ARHGAP10: variants seen among roughly 807,000 people sequenced by gnomAD.
ARHGAP10 encodes Rho GTPase activating protein 10.
In ARHGAP10, 87 loss-of-function variants were observed where a neutral mutation model predicts 108.6. The observed-to-expected ratio is 0.80, with a 90% CI of 0.67 to 0.96. The LOEUF is 0.96. ARHGAP10 is among the 40% of genes least tolerant of loss of function. The pLI, the probability that ARHGAP10 is intolerant of heterozygous loss-of-function variation, is 0.00. For synonymous variants in ARHGAP10, 347 were observed against 341.1 expected, an observed-to-expected ratio of 1.02 and a Z score of -0.19; for missense variants, 939 against 954.5, an observed-to-expected ratio of 0.98 and a Z score of 0.21.
intron 1 of ARHGAP10, among the ~76,000 whole-genome samples, chr4:147,770,427 A>G (rs1730029598): frequency 6.6e-6 from 1 of 152,174 alleles, no homozygotes; most frequent in South Asian, 2.1e-4. Context: ...TGGGAGGCTG[A>G]GGCATGAGAA....
chr4:147,751,364 T>C (rs1729139504), intron 1 of ARHGAP10, among the ~76,000 whole-genome samples: 1 of 151,466 alleles, frequency 6.6e-6, no homozygotes, highest in Non-Finnish European at 1.5e-5. Context: ...AGATAATAGT[T>C]GTTGTTTTTT....
chr4:147,991,426 G>A (rs1269117421), intron 18 of ARHGAP10, among the ~76,000 whole-genome samples: 1 of 152,120 alleles, frequency 6.6e-6, no homozygotes, highest in African/African-American at 2.4e-5. Flanking sequence ...CCCAGGAGGG[G>A]CCTTACGGAG....
intron 3 of ARHGAP10, among the ~76,000 whole-genome samples, chr4:147,837,624 G>A (rs534573950): frequency 4.4e-4 from 45 of 101,524 alleles, no homozygotes; most frequent in African/African-American, 1.2e-3. Flanking sequence ...CTGCCACCTC[G>A]CTAGAATCTC....
chr4:148,012,767 C>T (rs1363616490), intron 18 of ARHGAP10, among the ~76,000 whole-genome samples: 3 of 152,086 alleles, frequency 2.0e-5, no homozygotes, highest in Non-Finnish European at 4.4e-5. Flanking sequence ...TGAATAAATT[C>T]TAGGAACCTG....
At chr4:148,064,329 A>C in intron 21 of ARHGAP10, 87 bp from the exon 22 acceptor site, 1 of 1,090,384 alleles carries the variant, frequency 9.2e-7, no homozygotes, top group Non-Finnish European at 1.3e-6. Flanking sequence ...GACATCAGTG[A>C]GATTTGGGGA....
chr4:147,887,875 A>T (rs547065297), intron 10 of ARHGAP10, among the ~76,000 whole-genome samples: 42 of 147,482 alleles, frequency 2.8e-4, no homozygotes, highest in South Asian at 6.5e-4. Flanking sequence ...AAAAAAAAAA[A>T]TTTTTTTTTT....
chr4:147,955,115 G>A (rs997269191), intron 15 of ARHGAP10, among the ~76,000 whole-genome samples: 12 of 152,024 alleles, frequency 7.9e-5, no homozygotes, highest in African/African-American at 2.9e-4. Context: ...TGGCTCCCTA[G>A]GCTTTGATAG....
chr4:147,808,187 T>C (rs1731863163), intron 1 of ARHGAP10, among the ~76,000 whole-genome samples: 1 of 152,174 alleles, frequency 6.6e-6, no homozygotes, highest in Non-Finnish European at 1.5e-5. Context: ...ACAAAGGCTG[T>C]CGGAGGTGAG....
intron 1 of ARHGAP10, among the ~76,000 whole-genome samples, chr4:147,741,167 C>T (rs969640382): frequency 2.6e-5 from 4 of 152,126 alleles, no homozygotes. Context: ...TCTACCTATG[C>T]ATTTTTTGGA....
At chr4:148,033,780 G>T (rs1728255147) in intron 19 of ARHGAP10, among the ~76,000 whole-genome samples, 1 of 152,180 alleles carries the variant, frequency 6.6e-6, no homozygotes. Context: ...AGCATGAGCT[G>T]GCCTGGAGAG....
intron 13 of ARHGAP10, among the ~76,000 whole-genome samples, chr4:147,921,862 C>G (rs1242563067): frequency 6.6e-6 from 1 of 152,166 alleles, no homozygotes; most frequent in East Asian, 1.9e-4. Flanking sequence ...TCTCAAGTAG[C>G]TTTACACCAC....
At chr4:148,034,484 A>ATTT (rs76525018) in intron 19 of ARHGAP10, among the ~76,000 whole-genome samples, 4 of 139,162 alleles carry the variant, frequency 2.9e-5, no homozygotes, top group Non-Finnish European at 6.3e-5. Context: ...CTCCCGGCTA[A>ATTT]TTTTTTTTTT....
chr4:147,754,923 GTC>G (rs1190710019), intron 1 of ARHGAP10, among the ~76,000 whole-genome samples: 1 of 151,984 alleles, frequency 6.6e-6, no homozygotes, highest in East Asian at 1.9e-4. Context: ...GTGAAACCCT[GTC>G]TCTACTAAAA....
At chr4:147,909,601 T>A in intron 11 of ARHGAP10, 131 bp from the exon 12 acceptor site, 2 of 750,668 alleles carry the variant, frequency 2.7e-6, no homozygotes, top group South Asian at 3.8e-5. Context: ...GACCAATTTC[T>A]TATTCTATCA....
Position 148,072,126 on chromosome 4 carries a change from G to C in ARHGAP10, c.*45G>C. On this transcript the variant is annotated 3_prime_UTR_variant, in exon 23 of 23. Coordinates refer to ENST00000336498, the MANE Select transcript of ARHGAP10 (RefSeq NM_024605.4). ...TGCTGACCCTGGCACCCAGGGACCT[G>C]CCTGGGGGCAGAGAGCTGTCTTCCT... is the stretch of plus-strand genomic sequence containing the variant. The C allele has an allele frequency of 6.5e-7, 1 of 1,546,422 alleles. No homozygotes were observed. The highest frequency in any genetic ancestry group is 1.4e-5 in the African/African-American group (1 of 72,860).
intron 11 of ARHGAP10, among the ~76,000 whole-genome samples, 176 bp downstream of exon 11, chr4:147,906,895 A>G (rs1736520391): frequency 6.6e-6 from 1 of 152,232 alleles, no homozygotes; most frequent in Non-Finnish European, 1.5e-5. Context: ...GCAGCAGTAC[A>G]TATAAGACTA....
At chr4:147,982,185 T>C (rs1485922092) in intron 18 of ARHGAP10, among the ~76,000 whole-genome samples, 1 of 152,158 alleles carries the variant, frequency 6.6e-6, no homozygotes, top group African/African-American at 2.4e-5. Context: ...TTATAAAGTT[T>C]CTTCTGTGAA....
intron 18 of ARHGAP10, among the ~76,000 whole-genome samples, chr4:148,014,924 C>T (rs1226405206): frequency 3.3e-5 from 5 of 152,054 alleles, no homozygotes; most frequent in African/African-American, 4.8e-5. Flanking sequence ...GTACTTTTTT[C>T]TTCTTTTAGT....
intron 1 of ARHGAP10, among the ~76,000 whole-genome samples, chr4:147,806,278 T>C (rs990003862): frequency 1.3e-5 from 2 of 152,132 alleles, no homozygotes; most frequent in African/African-American, 4.8e-5. Context: ...TACATATATC[T>C]ATTATCTCAC....
Sources: gnomAD v4.1 joint callset for allele counts (sites outside exome capture counted in the v4.1 genomes callset) on GRCh38, gnomAD v4.1.1 for gene constraint, MANE v1.5 for transcripts, NCBI Gene and HGNC (gene_info 2026-07-23, HGNC 2026-07-21) for gene names.